SRD5A2: variants seen among roughly 807,000 people sequenced by gnomAD.
SRD5A2 encodes steroid 5 alpha-reductase 2.
In SRD5A2, 30 loss-of-function variants were observed where a neutral mutation model predicts 27.4. The ratio of observed to expected loss-of-function variants is 1.10; its 90% CI spans 0.82 to 1.49. SRD5A2 has a LOEUF of 1.49. Among genes scored for constraint, SRD5A2 ranks in the 40% most tolerant of loss-of-function variants. The probability of loss-of-function intolerance (pLI) is 0.00; values close to 1 mark genes in which losing one functional copy is unlikely to be tolerated. For synonymous variants in SRD5A2, 141 were observed against 133.6 expected, an observed-to-expected ratio of 1.06 and a Z score of -0.38; for missense variants, 348 against 323.4, an observed-to-expected ratio of 1.08 and a Z score of -0.58.
intron 1 of SRD5A2, among the ~76,000 whole-genome samples, chr2:31,555,230 A>G (rs1666471153): frequency 6.6e-6 from 1 of 151,932 alleles, no homozygotes; most frequent in Non-Finnish European, 1.5e-5. Flanking sequence ...CAAGGACCTA[A>G]TTGCATCTAC....
chr2:31,595,575 GA>G, the SRD5A2 span, among the ~76,000 whole-genome samples: 3 of 150,978 alleles, frequency 2.0e-5, no homozygotes, highest in East Asian at 1.9e-4. Flanking sequence ...GTTGCCAAGG[GA>G]AAAAAAAATC....
the SRD5A2 span, among the ~76,000 whole-genome samples, chr2:31,652,917 A>T: frequency 6.6e-6 from 1 of 152,104 alleles, no homozygotes; most frequent in Non-Finnish European, 1.5e-5. Context: ...CTCTCTGCCA[A>T]TGTGTGAGAC....
upstream of SRD5A2, among the ~76,000 whole-genome samples, chr2:31,584,774 G>T (rs780376912): frequency 5.6e-4 from 85 of 152,220 alleles, 1 homozygote; most frequent in Non-Finnish European, 9.8e-4. Context: ...TCCACTGATT[G>T]TTTCCCCAAC....
the SRD5A2 span, among the ~76,000 whole-genome samples, chr2:31,608,436 A>G: frequency 6.6e-6 from 1 of 152,002 alleles, no homozygotes; most frequent in Non-Finnish European, 1.5e-5. Flanking sequence ...GCAGGAAAGG[A>G]AAACCAAAAC....
chr2:31,607,344 C>T, the SRD5A2 span, among the ~76,000 whole-genome samples: 3 of 151,758 alleles, frequency 2.0e-5, no homozygotes, highest in Admixed American at 6.6e-5. Flanking sequence ...CACTGAAGCA[C>T]GTTATATTTA....
chr2:31,605,642 A>G, the SRD5A2 span, among the ~76,000 whole-genome samples: 1 of 151,900 alleles, frequency 6.6e-6, no homozygotes, highest in African/African-American at 2.4e-5. Flanking sequence ...AAGACAGGCA[A>G]TAACAAATGC....
At chr2:31,581,330 C>T (rs1667080045), upstream of SRD5A2, among the ~76,000 whole-genome samples, 1 of 152,168 alleles carries the variant, frequency 6.6e-6, no homozygotes, top group Non-Finnish European at 1.5e-5. Flanking sequence ...GCAGTCCCAC[C>T]CTCGAACACC....
chr2:31,602,920 A>C, the SRD5A2 span, among the ~76,000 whole-genome samples: 2 of 152,106 alleles, frequency 1.3e-5, no homozygotes, highest in East Asian at 3.8e-4. Context: ...TTAACTCAAG[A>C]TGGATTAAAG....
chr2:31,561,027 A>G (rs1666610697), intron 1 of SRD5A2, among the ~76,000 whole-genome samples: 1 of 152,154 alleles, frequency 6.6e-6, no homozygotes, highest in Admixed American at 6.5e-5. Flanking sequence ...AACCTTCTAT[A>G]TACCTATCCC....
the SRD5A2 span, among the ~76,000 whole-genome samples, chr2:31,626,174 A>C: frequency 6.6e-6 from 1 of 152,198 alleles, no homozygotes; most frequent in Non-Finnish European, 1.5e-5. Flanking sequence ...TTAATGGTGT[A>C]TAAGAATGCT....
At chr2:31,583,179 G>A (rs942936947), upstream of SRD5A2, among the ~76,000 whole-genome samples, 3 of 152,180 alleles carry the variant, frequency 2.0e-5, no homozygotes, top group African/African-American at 7.2e-5. Context: ...GTGTTTGGAT[G>A]GAGAAACTTA....
At chr2:31,621,072 A>G in the SRD5A2 span, among the ~76,000 whole-genome samples, 1 of 151,530 alleles carries the variant, frequency 6.6e-6, no homozygotes, top group African/African-American at 2.4e-5. Context: ...ATTCATATGC[A>G]TTTTAAAAAA....
At chr2:31,538,864 C>T (rs1572634498) in intron 1 of SRD5A2, among the ~76,000 whole-genome samples, 1 of 152,206 alleles carries the variant, frequency 6.6e-6, no homozygotes, top group Non-Finnish European at 1.5e-5. Context: ...AGAATGTATG[C>T]ACCATAAAGA....
chr2:31,577,162 TAAAAAA>T (rs10683997), intron 1 of SRD5A2, among the ~76,000 whole-genome samples: 12 of 57,174 alleles, frequency 2.1e-4, no homozygotes, highest in Non-Finnish European at 2.6e-4. Flanking sequence ...AAAAAAACAT[TAAAAAA>T]AAAAAAAAAA....
At chr2:31,649,924 G>A in the SRD5A2 span, among the ~76,000 whole-genome samples, 1 of 152,024 alleles carries the variant, frequency 6.6e-6, no homozygotes, top group African/African-American at 2.4e-5. Flanking sequence ...ATGACAAAAT[G>A]TATTTTGTCA....
At chr2:31,587,067 C>T in the SRD5A2 span, among the ~76,000 whole-genome samples, 1 of 152,032 alleles carries the variant, frequency 6.6e-6, no homozygotes, top group East Asian at 1.9e-4. Context: ...GAAACTCCAT[C>T]AAAAAGTGGA....
At chr2:31,581,903 A>T (rs1419460560), upstream of SRD5A2, among the ~76,000 whole-genome samples, 2 of 151,796 alleles carry the variant, frequency 1.3e-5, no homozygotes, top group Non-Finnish European at 2.9e-5. Context: ...TCCCACCTTT[A>T]TGTTATCCTC....
At chr2:31,547,574 C>A (rs1368778861) in intron 1 of SRD5A2, among the ~76,000 whole-genome samples, 4 of 152,194 alleles carry the variant, frequency 2.6e-5, no homozygotes, top group Non-Finnish European at 5.9e-5. Context: ...GGGCTATATA[C>A]CATGGTAGAT....
chr2:31,583,652 C>CAAAAAA (rs1352139998), upstream of SRD5A2, among the ~76,000 whole-genome samples: 4 of 20,920 alleles, frequency 1.9e-4, no homozygotes, highest in African/African-American at 4.0e-4. Context: ...AAAAAAAAAC[C>CAAAAAA]AAAAAAAAAG....
Sources: allele counts gnomAD v4.1 joint callset (sites outside exome capture counted in the v4.1 genomes callset), GRCh38; gene constraint gnomAD v4.1.1; transcripts MANE v1.5; gene names NCBI Gene and HGNC (gene_info 2026-07-23, HGNC 2026-07-21).